Variants in MGAT5 observed in about 807,000 individuals in gnomAD.
The protein encoded by MGAT5 is alpha-1,6-mannosylglycoprotein 6-beta-N-acetylglucosaminyltransferase A.
Under a neutral mutation model 94.3 loss-of-function variants are expected in MGAT5, and 30 were observed. The observed-to-expected ratio is 0.32, with a 90% confidence interval of 0.24 to 0.43. The LOEUF (loss-of-function observed/expected upper bound fraction) is 0.43. MGAT5 is among the 20% of genes least tolerant of loss of function. The pLI is 1.00. For synonymous variants in MGAT5, 310 were observed against 322.9 expected (o/e 0.96, Z 0.43); for missense variants, 691 against 905.5 (o/e 0.76, Z 3.04).
chr2:134,444,307 T>A (rs1685656499), intron 15 of MGAT5, among the ~76,000 whole-genome samples: 1 of 152,148 alleles, frequency 6.6e-6, no homozygotes. Flanking sequence ...GCAAAAGGAC[T>A]TGGCGTGGGG....
rs945237889 is a variant in MGAT5 at position 134,428,423 on chromosome 2, C to G, written c.1853C>G (p.Ala618Gly). Reference protein sequence around the residue: ...TCEGMLQRINAFIEKQDFCHG... With the variant: ...TCEGMLQRINGFIEKQDFCHG... The stretch of plus-strand genomic sequence containing the variant: ...GAGGGGATGCTACAGAGAATCAATG[C>G]TTTCATTGAAAAACAGGTAAGGCTT... Residue 618 changes from alanine to glycine, a missense_variant, in exon 14 of 16, where the codon GCT becomes GGT. This residue lies in a region of MGAT5 where 260 missense variants were observed against 347.0 expected (regional missense o/e 0.75). Transcript: ENST00000281923. The G allele has an allele frequency of 1.9e-6, 3 of 1,613,708 alleles. No homozygotes were observed. The highest frequency in any genetic ancestry group is 1.6e-4 in the Middle Eastern group (1 of 6,084).
intron 2 of MGAT5, among the ~76,000 whole-genome samples, chr2:134,280,591 T>A (rs986077698): frequency 6.6e-6 from 1 of 152,222 alleles, no homozygotes; most frequent in Non-Finnish European, 1.5e-5. Context: ...TTGGTGCAGC[T>A]AGAGATGGGC....
chr2:134,443,742 G>A (rs996943111), intron 15 of MGAT5, among the ~76,000 whole-genome samples: 1 of 152,172 alleles, frequency 6.6e-6, no homozygotes, highest in East Asian at 1.9e-4. Context: ...CTTTCCATGC[G>A]CTCCTTTTGC....
chr2:134,147,804 C>T (rs6752874), intron 1 of MGAT5, among the ~76,000 whole-genome samples: 3,623 of 152,120 alleles, frequency 0.024, 145 homozygotes, highest in African/African-American at 0.083. Flanking sequence ...CCTGGCAGTC[C>T]GTAAGCTTGG....
chr2:134,249,636 C>T (rs1172636559), upstream of MGAT5, among the ~76,000 whole-genome samples: 1 of 152,114 alleles, frequency 6.6e-6, no homozygotes, highest in East Asian at 1.9e-4. Context: ...GTTTTGTTTC[C>T]ATTTCCTCAG....
Position 134,448,937 on chromosome 2 carries a change from G to A in MGAT5, c.*90G>A, listed in dbSNP as rs2106450059. The A allele has an allele frequency of 2.9e-6, 4 of 1,365,498 alleles. No individual in the cohort carries two copies. The South Asian group carries it at 5.1e-5, about 18-fold the overall frequency. The allele number at this position is 1,365,498 out of a possible 1,614,324, so 84.6% of individuals were successfully genotyped here. On this transcript the variant is annotated 3_prime_UTR_variant, in exon 16 of 16. Coordinates refer to ENST00000281923, the MANE Select transcript of MGAT5 (RefSeq NM_002410.5). ...GGGCCAGGGACAGAAGTCATGCAGG[G>A]ACTCTGGCAAGAGCCTGAACTTTTT...
chr2:134,272,116 A>T (rs75998267), intron 2 of MGAT5, among the ~76,000 whole-genome samples: 1 of 152,330 alleles, frequency 6.6e-6, no homozygotes, highest in Non-Finnish European at 1.5e-5. Flanking sequence ...TGCAAGGCTC[A>T]CAAGGACTTT....
intron 2 of MGAT5, among the ~76,000 whole-genome samples, chr2:134,297,729 ATACT>A (rs1449004501): frequency 6.6e-6 from 1 of 152,292 alleles, no homozygotes. Context: ...GGTTAACATC[ATACT>A]TACTAGAAAA....
intron 1 of MGAT5, among the ~76,000 whole-genome samples, chr2:134,165,232 A>G (rs978971074): frequency 1.1e-4 from 17 of 152,372 alleles, no homozygotes; most frequent in African/African-American, 4.1e-4. Context: ...GCTGATGGCC[A>G]GAGATGACTG....
intron 1 of MGAT5, among the ~76,000 whole-genome samples, chr2:134,145,214 C>CTCTCTCTCTGTG (rs373377770): frequency 7.0e-6 from 1 of 143,762 alleles, no homozygotes; most frequent in East Asian, 2.0e-4. Context: ...GTCTCTCTCT[C>CTCTCTCTCTGTG]TGTGTGTGTG....
Position 134,254,579 on chromosome 2 carries a change from AGGCACT to A in MGAT5, c.181_186del (p.Leu61_Ala62del). On this transcript the variant is annotated inframe_deletion, in exon 1 of 16. Transcript: ENST00000281923. ...CTGGACCTCAGCAAAAGGTACATCA[AGGCACT>A]GGCAGAAGAAAACAGGAATGTGGTG... is the stretch of plus-strand genomic sequence containing the variant. 6.2e-7 allele frequency: 1 copy of A among 1,614,218 alleles called. No individual in the cohort carries two copies. The highest frequency in any genetic ancestry group is 8.5e-7 in the Non-Finnish European group (1 of 1,180,038).
intron 1 of MGAT5, among the ~76,000 whole-genome samples, chr2:134,215,002 T>C (rs936935152): frequency 6.6e-6 from 1 of 152,216 alleles, no homozygotes; most frequent in East Asian, 1.9e-4. Context: ...CTGACTGTTT[T>C]AGCACTCTGT....
chr2:134,352,909 G>A (rs1006103457), intron 9 of MGAT5, among the ~76,000 whole-genome samples: 1 of 152,132 alleles, frequency 6.6e-6, no homozygotes, highest in African/African-American at 2.4e-5. Flanking sequence ...CTACAACATG[G>A]ATGAACCTCA....
At chr2:134,131,549 A>G (rs1573713979) in intron 1 of MGAT5, among the ~76,000 whole-genome samples, 1 of 150,178 alleles carries the variant, frequency 6.7e-6, no homozygotes, top group Admixed American at 6.6e-5. Flanking sequence ...GATACACGAT[A>G]AATATTTGCC....
chr2:134,120,925 G>T (rs538491124), intron 1 of MGAT5, among the ~76,000 whole-genome samples: 1 of 152,112 alleles, frequency 6.6e-6, no homozygotes, highest in South Asian at 2.1e-4. Flanking sequence ...CCGTGATCCC[G>T]CCGGCGCGCT....
chr2:134,177,446 C>G lies in MGAT5; in HGVS notation c.-143+57155C>G, dbSNP rs569831787. ...GTTAGCGTCACTTTCTACTCGCATT[C>G]CATTGCCAAGAACACAGTCACCTGG... On this transcript the variant is annotated intron_variant, in intron 1 of 16. Transcript: ENST00000409645. Among the ~76,000 whole-genome samples, 36 of 152,220 alleles carry G rather than the reference C, an allele frequency of 2.4e-4. 1 individual carries two copies. Among genetic ancestry groups the G allele is most frequent in the Admixed American group, 2.0e-3 (31 of 15,290 alleles).
Position 134,441,796 on chromosome 2 carries a change from C to A in MGAT5, c.1908C>A (p.Ser636Arg). Residue 636 changes from serine to arginine, a missense_variant, in exon 15 of 16, where the codon AGC (serine) becomes AGA (arginine). Ser to Arg is a moderately radical substitution (Grantham distance 110). Transcript: ENST00000281923. ...CHGQVMWPPL[S>R]ALQVKLAEPG... ...GGCAAGTGATGTGGCCACCCCTCAG[C>A]GCCCTACAGGTCAAGCTTGCTGAGC... The A allele has an allele frequency of 3.1e-6, 5 of 1,614,074 alleles. No individual in the cohort carries two copies. The highest frequency in any genetic ancestry group is 4.2e-6 in the Non-Finnish European group (5 of 1,179,956).
chr2:134,417,620 C>T (rs1574057764), intron 12 of MGAT5, among the ~76,000 whole-genome samples: 2 of 152,220 alleles, frequency 1.3e-5, no homozygotes, highest in East Asian at 1.9e-4. Context: ...GTACCTTTCT[C>T]AGCACATCAC....
At chr2:134,447,768 G>C (rs745840550) in intron 15 of MGAT5, among the ~76,000 whole-genome samples, 1 of 152,188 alleles carries the variant, frequency 6.6e-6, no homozygotes, top group Non-Finnish European at 1.5e-5. Flanking sequence ...AATATCCTTG[G>C]CCCCCCTACG....
Sources: gnomAD v4.1 joint callset for allele counts (sites outside exome capture counted in the v4.1 genomes callset) on GRCh38, gnomAD v4.1.1 for gene constraint, gnomAD v4.1.1 regional missense constraint, MANE v1.5 for transcripts, NCBI Gene and HGNC (gene_info 2026-07-23, HGNC 2026-07-21) for gene names.